Variants in SYN3 observed in about 807,000 individuals in gnomAD.
SYN3 encodes the protein synapsin III.
A neutral mutation model predicts 65.8 loss-of-function variants in SYN3; 35 were observed. The ratio of observed to expected loss-of-function variants is 0.53; its 90% CI spans 0.41 to 0.70. The LOEUF is 0.70. Ranked by LOEUF, SYN3 falls within the 30% of genes least tolerant of loss-of-function variation. The pLI is 0.00. For missense variants in SYN3, 680 were observed against 749.0 expected, an observed-to-expected ratio of 0.91 and a Z score of 1.08; for synonymous variants, 270 against 292.9, an observed-to-expected ratio of 0.92 and a Z score of 0.80.
intron 7 of SYN3, among the ~76,000 whole-genome samples, chr22:32,577,853 A>G (rs779193164): frequency 3.9e-5 from 6 of 152,042 alleles, no homozygotes; most frequent in Non-Finnish European, 7.4e-5. Flanking sequence ...CTTCCTTTAC[A>G]TGGCACCTCA....
intron 2 of SYN3, among the ~76,000 whole-genome samples, chr22:32,983,987 A>G (rs1400836521): frequency 2.6e-5 from 4 of 151,842 alleles, no homozygotes; most frequent in Non-Finnish European, 4.4e-5. Flanking sequence ...GTGAAACCCC[A>G]TCTCTACTAA....
intron 6 of SYN3, among the ~76,000 whole-genome samples, chr22:32,695,789 G>A (rs1008903327): frequency 1.3e-5 from 2 of 152,086 alleles, no homozygotes; most frequent in South Asian, 2.1e-4. Flanking sequence ...ATAGAAATGA[G>A]TCACTACAGG....
intron 6 of SYN3, among the ~76,000 whole-genome samples, chr22:32,671,006 CAA>C (rs2060353543): frequency 6.6e-6 from 1 of 152,222 alleles, no homozygotes. Context: ...GGGTGGAAGT[CAA>C]GAGACGCGGA....
intron 3 of SYN3, among the ~76,000 whole-genome samples, chr22:32,971,464 C>A (rs1478548956): frequency 6.6e-6 from 1 of 152,112 alleles, no homozygotes; most frequent in African/African-American, 2.4e-5. Context: ...TGGATCAGAG[C>A]GGGTAGAGTT....
intron 6 of SYN3, among the ~76,000 whole-genome samples, chr22:32,735,484 G>A (rs1789422459): frequency 6.6e-6 from 1 of 152,166 alleles, no homozygotes; most frequent in African/African-American, 2.4e-5. Context: ...CCTAGTGCAG[G>A]CTGGAACATC....
At position 32,518,345 on chromosome 22, in the gene SYN3, A is replaced by AG. The variant is rs751222531; in HGVS notation, c.1319-12dup. 63 of 1,609,518 alleles carry AG rather than the reference A, an allele frequency of 3.9e-5. No homozygotes were observed. Among genetic ancestry groups the AG allele is most frequent in the Non-Finnish European group, 6.8e-6 (8 of 1,178,284 alleles). On this transcript the variant is annotated splice_polypyrimidine_tract_variant and intron_variant, in intron 12 of 13. Transcript: ENST00000358763. ...CTTGGCGAGGGCCTCCTAAGGGGCC[A>AG]GAAAAAAAAAGGTTCAGTTCAATTT...
intron 6 of SYN3, among the ~76,000 whole-genome samples, chr22:32,789,386 C>T (rs1182079682): frequency 6.6e-6 from 1 of 152,126 alleles, no homozygotes; most frequent in African/African-American, 2.4e-5. Flanking sequence ...TGGAAAGTTA[C>T]CGATCATATT....
At chr22:32,663,224 T>A (rs1442728507) in intron 6 of SYN3, among the ~76,000 whole-genome samples, 1 of 152,166 alleles carries the variant, frequency 6.6e-6, no homozygotes, top group African/African-American at 2.4e-5. Context: ...GACGTGCCTT[T>A]CGCCTTCTGC....
At chr22:32,823,686 G>A (rs999641859) in intron 6 of SYN3, among the ~76,000 whole-genome samples, 17 of 152,004 alleles carry the variant, frequency 1.1e-4, no homozygotes, top group Non-Finnish European at 2.2e-4. Flanking sequence ...GAAGAAGCTT[G>A]GTGGGCTCCC....
chr22:32,562,276 C>T (rs377070838), intron 7 of SYN3, among the ~76,000 whole-genome samples: 11 of 152,252 alleles, frequency 7.2e-5, no homozygotes, highest in African/African-American at 2.7e-4. Flanking sequence ...ACCTTCCTCC[C>T]GCCCTTTCCC....
intron 4 of SYN3, among the ~76,000 whole-genome samples, chr22:32,880,396 G>A (rs1490529775): frequency 6.6e-6 from 1 of 152,220 alleles, no homozygotes; most frequent in African/African-American, 2.4e-5. Context: ...GAGGGATATT[G>A]TCTTAGAGAA....
At chr22:32,713,269 C>T (rs1423349145) in intron 6 of SYN3, among the ~76,000 whole-genome samples, 3 of 152,170 alleles carry the variant, frequency 2.0e-5, no homozygotes, top group Non-Finnish European at 2.9e-5. Flanking sequence ...CAGGGGTACA[C>T]CAGAAAGTTA....
rs557560471 is a variant in SYN3, at chr22:32,947,250, T to G, written c.370-15769A>C. On this transcript the variant is annotated intron_variant, in intron 3 of 13. Transcript: ENST00000358763. Reference sequence around the variant, plus strand: ...ATTTAACTGTTATATGTTCATCTTTTTCTCAACCAATGTCCCCTAACTGTC... The same window carrying G: ...ATTTAACTGTTATATGTTCATCTTTGTCTCAACCAATGTCCCCTAACTGTC... Among the ~76,000 whole-genome samples, 3 of 152,358 alleles carry G rather than the reference T, an allele frequency of 2.0e-5. No homozygotes were observed. The East Asian group carries it at 5.8e-4, about 29-fold the overall frequency.
chr22:32,513,517 G>T lies in SYN3; in HGVS notation c.*175C>A. 1 of 864,390 alleles carries T rather than the reference G, an allele frequency of 1.2e-6. No homozygotes were observed. Among genetic ancestry groups the T allele is most frequent in the East Asian group, 2.7e-5 (1 of 36,854 alleles). 53.5% of individuals were successfully genotyped at this position (864,390 alleles called of 1,614,324 possible). On this transcript the variant is annotated 3_prime_UTR_variant, in exon 14 of 14. Transcript: ENST00000358763. Reference sequence around the variant, plus strand: ...CAGTCAGACAATGCTGGAATGTCACGGTGAAGGAAAATGGGAACAAATATA... The same window carrying T: ...CAGTCAGACAATGCTGGAATGTCACTGTGAAGGAAAATGGGAACAAATATA...
chr22:32,892,167 A>C (rs909906719), intron 4 of SYN3, among the ~76,000 whole-genome samples: 8 of 151,956 alleles, frequency 5.3e-5, no homozygotes, highest in Non-Finnish European at 1.0e-4. Flanking sequence ...ATGGTGGCAC[A>C]CGCCTGTAAT....
chr22:32,867,200 A>G (rs1212814678), intron 5 of SYN3, among the ~76,000 whole-genome samples: 2 of 152,218 alleles, frequency 1.3e-5, no homozygotes, highest in Non-Finnish European at 2.9e-5. Flanking sequence ...TGAGCTTCAT[A>G]GAGCACTTTC....
At position 32,869,055 on chromosome 22, in the gene SYN3, G is replaced by A. The variant is rs762768267; in HGVS notation, c.532C>T (p.Arg178Cys). 1.9e-6 allele frequency: 3 copies of A among 1,614,142 alleles called. No individual in the cohort carries two copies. Among genetic ancestry groups the A allele is most frequent in the South Asian group, 1.1e-5 (1 of 91,078 alleles). Residue 178 changes from arginine (R) to cysteine (C), a missense_variant, in exon 5 of 14, where the codon CGC (arginine) becomes TGC (cysteine). Arg to Cys is a radical substitution (Grantham distance 180, BLOSUM62 -3). Coordinates refer to ENST00000358763, the MANE Select transcript of SYN3 (RefSeq NM_003490.4). ...AYSMALGEDY[R>C]SLVIGLQYGG... The stretch of plus-strand genomic sequence containing the variant: ...TACTGCAGGCCGATGACCAGGCTGC[G>A]GTAGTCTTCCCCCAGGGCCATGCTG...
intron 2 of SYN3, among the ~76,000 whole-genome samples, chr22:32,995,066 C>T (rs1389139425): frequency 1.3e-5 from 2 of 152,158 alleles, no homozygotes; most frequent in Non-Finnish European, 2.9e-5. Context: ...CCAGAGCCCA[C>T]AGTACCCAGG....
At chr22:32,885,985 A>G (rs915002671) in intron 4 of SYN3, among the ~76,000 whole-genome samples, 17 of 152,228 alleles carry the variant, frequency 1.1e-4, no homozygotes, top group African/African-American at 4.1e-4. Context: ...CATGGCCACC[A>G]AACAGCTGAA....
Sources: allele counts gnomAD v4.1 joint callset (sites outside exome capture counted in the v4.1 genomes callset), GRCh38; gene constraint gnomAD v4.1.1; transcripts MANE v1.5; gene names NCBI Gene and HGNC (gene_info 2026-07-23, HGNC 2026-07-21).